The following ARL3 variants were observed in gnomAD, a reference collection of about 807,000 sequenced individuals.
ARL3 encodes ADP-ribosylation factor-like protein 3.
ARL3 carries 9 observed loss-of-function variants against 26.0 expected under a neutral mutation model. The ratio of observed to expected loss-of-function variants is 0.35; its 90% CI spans 0.21 to 0.60. The LOEUF (loss-of-function observed/expected upper bound fraction) is 0.60. Ranked by LOEUF, ARL3 falls within the 20% of genes least tolerant of loss-of-function variation. ARL3 has a pLI of 0.78. For synonymous variants in ARL3, 71 were observed against 78.4 expected, an observed-to-expected ratio of 0.91 and a Z score of 0.50; for missense variants, 158 against 215.7, an observed-to-expected ratio of 0.73 and a Z score of 1.67.
At chr10:102,702,153 C>T (rs1404710469) in intron 2 of ARL3, among the ~76,000 whole-genome samples, 1 of 151,980 alleles carries the variant, frequency 6.6e-6, no homozygotes, top group African/African-American at 2.4e-5. Flanking sequence ...GATGGTGCCA[C>T]TGTACTCCAG....
chr10:102,675,872 TC>T lies in ARL3; in HGVS notation c.*1021del, dbSNP rs1325676867. ...TCTAAAAATCGATCTGCCTGGCTTT[TC>T]TCAGTGGAGCAGGTTCATGGTAAAG... On this transcript the variant is annotated 3_prime_UTR_variant, in exon 6 of 6. Coordinates refer to ENST00000260746, the MANE Select transcript of ARL3 (RefSeq NM_004311.4). 1 of 152,626 alleles carries T rather than the reference TC, an allele frequency of 6.6e-6. No individual in the cohort carries two copies. Among genetic ancestry groups the T allele is most frequent in the Admixed American group, 6.6e-5 (1 of 15,266 alleles). The allele number at this position is 152,626 out of a possible 1,614,324, so 9.5% of individuals were successfully genotyped here.
At chr10:102,678,581 A>G (rs1239649079) in intron 5 of ARL3, among the ~76,000 whole-genome samples, 2 of 151,974 alleles carry the variant, frequency 1.3e-5, no homozygotes, top group Admixed American at 6.6e-5. Context: ...GCACCTCAAC[A>G]CTCTCTCCTC....
chr10:102,710,706 A>G (rs900358931), intron 1 of ARL3, among the ~76,000 whole-genome samples: 1 of 152,228 alleles, frequency 6.6e-6, no homozygotes, highest in Non-Finnish European at 1.5e-5. Flanking sequence ...ACTTCAGTTA[A>G]AAGTATATTG....
chr10:102,694,543 T>C (rs534558758), intron 3 of ARL3, among the ~76,000 whole-genome samples: 1 of 152,278 alleles, frequency 6.6e-6, no homozygotes, highest in East Asian at 1.9e-4. Context: ...GATTCTTTTT[T>C]TTTTGCATGT....
At chr10:102,684,951 T>C (rs1373992212) in intron 5 of ARL3, among the ~76,000 whole-genome samples, 1 of 150,500 alleles carries the variant, frequency 6.6e-6, no homozygotes, top group Admixed American at 6.6e-5. Flanking sequence ...CCTTGATGTT[T>C]TAAAAAGCAG....
intron 3 of ARL3, among the ~76,000 whole-genome samples, chr10:102,696,930 T>C (rs577918335): frequency 6.6e-6 from 1 of 152,298 alleles, no homozygotes; most frequent in South Asian, 2.1e-4. Flanking sequence ...AGAAATGCAT[T>C]ATTAGGCAAT....
intron 1 of ARL3, among the ~76,000 whole-genome samples, chr10:102,706,562 T>G (rs1304898404): frequency 6.6e-6 from 1 of 152,230 alleles, no homozygotes; most frequent in Admixed American, 6.5e-5. Flanking sequence ...ATAGATAATC[T>G]GTGTTTTTTA....
chr10:102,687,912 A>G (rs2064195990), intron 4 of ARL3, among the ~76,000 whole-genome samples: 2 of 152,216 alleles, frequency 1.3e-5, no homozygotes, highest in Middle Eastern at 3.4e-3. Flanking sequence ...ATTACCTGCA[A>G]ATAACTTTCA....
At chr10:102,692,161 C>T (rs1290917458) in intron 3 of ARL3, among the ~76,000 whole-genome samples, 1 of 152,194 alleles carries the variant, frequency 6.6e-6, no homozygotes, top group Non-Finnish European at 1.5e-5. Context: ...AACCAACTTG[C>T]AGTCTGCCCT....
At chr10:102,712,379 C>G (rs943061867) in intron 1 of ARL3, among the ~76,000 whole-genome samples, 1 of 152,270 alleles carries the variant, frequency 6.6e-6, no homozygotes, top group East Asian at 1.9e-4. Context: ...GTTTTAAGAA[C>G]AGCTCACGCT....
Position 102,685,883 on chromosome 10 carries a change from A to G in ARL3, c.434T>C (p.Leu145Pro). 1 of 1,614,170 alleles carries G rather than the reference A, an allele frequency of 6.2e-7. No homozygotes were observed. Among genetic ancestry groups the G allele is most frequent in the Non-Finnish European group, 8.5e-7 (1 of 1,180,028 alleles). Reference sequence around the variant, plus strand: ...CCAGACTCGGTCGCGGATGGTATGCAGGTTCAGTCCTTCTGCAATTTCAGA... The same window carrying G: ...CCAGACTCGGTCGCGGATGGTATGCGGGTTCAGTCCTTCTGCAATTTCAGA... Reference protein sequence around the residue: ...PASEIAEGLNLHTIRDRVWQI... With the variant: ...PASEIAEGLNPHTIRDRVWQI... The change falls in exon 5 of 6, where the codon CTG (leucine) becomes CCG (proline). Residue 145 changes from leucine (L) to proline (P), a missense_variant. Leu to Pro is a moderately conservative substitution (Grantham distance 98, BLOSUM62 -3). Transcript: ENST00000260746.
At chr10:102,697,071 G>A (rs1257868956) in intron 3 of ARL3, among the ~76,000 whole-genome samples, 1 of 152,106 alleles carries the variant, frequency 6.6e-6, no homozygotes, top group Non-Finnish European at 1.5e-5. Context: ...ATCGAATACT[G>A]CAGGCAACTG....
chr10:102,699,409 TG>T lies in ARL3; in HGVS notation c.227del (p.Pro76HisfsTer16). 6.2e-7 allele frequency: 1 copy of T among 1,611,250 alleles called. No individual in the cohort carries two copies. The highest frequency in any genetic ancestry group is 8.5e-7 in the Non-Finnish European group (1 of 1,177,646). ...TATTTTCAAAATAATTCTTCCAGTATGGTCTGATTTTCCTCTGTCCACCAAT... is the reference window on the plus strand; with the variant it reads ...TATTTTCAAAATAATTCTTCCAGTATGTCTGATTTTCCTCTGTCCACCAAT... ...WDIGGQRKIR[P>X]YWKNYFENTD... On this transcript the variant is annotated frameshift_variant, in exon 3 of 6. Transcript: ENST00000260746. LOFTEE classifies it high-confidence loss of function.
At chr10:102,684,819 T>C (rs2064174302) in intron 5 of ARL3, among the ~76,000 whole-genome samples, 2 of 151,670 alleles carry the variant, frequency 1.3e-5, no homozygotes, top group South Asian at 2.1e-4. Flanking sequence ...TTTTTGTATT[T>C]TTAGTAGAGA....
chr10:102,711,713 C>T (rs997125587), intron 1 of ARL3, among the ~76,000 whole-genome samples: 4 of 151,610 alleles, frequency 2.6e-5, no homozygotes, highest in Non-Finnish European at 5.9e-5. Context: ...ACGGAGATCG[C>T]GCCACTGCAC....
intron 4 of ARL3, among the ~76,000 whole-genome samples, chr10:102,687,729 A>G (rs542794270): frequency 1.3e-5 from 2 of 151,948 alleles, no homozygotes; most frequent in East Asian, 3.9e-4. Flanking sequence ...GTTTTGATAT[A>G]TTGCCCACGC....
At chr10:102,712,386 C>T (rs1341684303) in intron 1 of ARL3, among the ~76,000 whole-genome samples, 3 of 152,018 alleles carry the variant, frequency 2.0e-5, no homozygotes, top group Non-Finnish European at 4.4e-5. Flanking sequence ...GAACAGCTCA[C>T]GCTTGTGGAG....
At chr10:102,684,657 G>C (rs1182377708) in intron 5 of ARL3, among the ~76,000 whole-genome samples, 2 of 151,776 alleles carry the variant, frequency 1.3e-5, no homozygotes, top group Non-Finnish European at 2.9e-5. Context: ...TATTTATTTT[G>C]AGAGAGAGTC....
chr10:102,678,720 C>G (rs900680100), intron 5 of ARL3, among the ~76,000 whole-genome samples: 2 of 152,208 alleles, frequency 1.3e-5, no homozygotes, highest in Non-Finnish European at 2.9e-5. Flanking sequence ...TATAACTGAA[C>G]ATGAATGCAG....
Sources: allele counts gnomAD v4.1 joint callset (sites outside exome capture counted in the v4.1 genomes callset), GRCh38; gene constraint gnomAD v4.1.1; transcripts MANE v1.5; gene names NCBI Gene and HGNC (gene_info 2026-07-23, HGNC 2026-07-21).